FMO4: variants seen among roughly 807,000 people sequenced by gnomAD.
The protein encoded by FMO4 is dimethylaniline monooxygenase [N-oxide-forming] 4.
Under a neutral mutation model 43.3 loss-of-function variants are expected in FMO4, and 38 were observed. The ratio of observed to expected loss-of-function variants is 0.88; its 90% CI spans 0.68 to 1.15. The LOEUF is 1.15. Among genes scored for constraint, FMO4 ranks in the 50% most tolerant of loss-of-function variants. The pLI, the probability that FMO4 is intolerant of heterozygous loss-of-function variation, is 0.00. For synonymous variants in FMO4, 224 were observed against 232.2 expected (o/e 0.96, Z 0.32); for missense variants, 631 against 663.3 (o/e 0.95, Z 0.54).
rs776355579 is a variant in FMO4 at position 171,341,434 on chromosome 1, C to T, written c.1272C>T (p.Ser424=). Residue 424 remains serine (S), a synonymous_variant, in exon 10 of 10, where the codon AGC becomes AGT. Coordinates refer to ENST00000367749, the MANE Select transcript of FMO4 (RefSeq NM_002022.3). ...TCAGGGGAGTGTTTAAAGACACCAG[C>T]AAAGACAAATTTGACTACATTGCCT... is the stretch of plus-strand genomic sequence containing the variant. The part of the protein sequence containing the change: ...LIKRGVFKDT[S]KDKFDYIAYM... The T allele has an allele frequency of 1.0e-4, 163 of 1,613,462 alleles. No homozygotes were observed. Among genetic ancestry groups the T allele is most frequent in the Non-Finnish European group, 1.3e-4 (159 of 1,179,770 alleles).
chr1:171,334,661 C>T lies in FMO4; in HGVS notation c.1078C>T (p.Leu360=). 3 of 1,613,814 alleles carry T rather than the reference C, an allele frequency of 1.9e-6. No homozygotes were observed. Among genetic ancestry groups the T allele is most frequent in the Non-Finnish European group, 2.5e-6 (3 of 1,179,802 alleles). ...FLYKQVFPLN[L]ERATLAIIGL... is the part of the protein sequence containing the mutation. ...ATACAAGCAAGTCTTTCCCTTAAACCTAGAGAGAGCGACATTAGCCATCAT... is the reference window on the plus strand; with the variant it reads ...ATACAAGCAAGTCTTTCCCTTAAACTTAGAGAGAGCGACATTAGCCATCAT... The change falls in exon 8 of 10, where the codon CTA becomes TTA. Residue 360 remains leucine, a synonymous_variant. Coordinates refer to ENST00000367749, the MANE Select transcript of FMO4 (RefSeq NM_002022.3).
chr1:171,323,166 G>T lies in FMO4; in HGVS notation c.295G>T (p.Asp99Tyr), dbSNP rs1244787278. ...DYLQEFAEHF[D>Y]LLKYIQFKTT... Reference sequence around the variant, plus strand: ...TCTCCAAGAATTTGCTGAGCACTTTGACCTCCTGAAATACATTCAGTTTAA... The same window carrying T: ...TCTCCAAGAATTTGCTGAGCACTTTTACCTCCTGAAATACATTCAGTTTAA... Residue 99 changes from aspartate (D) to tyrosine (Y), a missense_variant, in exon 4 of 10, where the codon GAC (aspartate) becomes TAC (tyrosine). Asp to Tyr is a radical substitution (Grantham distance 160). Transcript: ENST00000367749. The T allele has an allele frequency of 1.2e-6, 2 of 1,613,296 alleles. No individual in the cohort carries two copies. Among genetic ancestry groups the T allele is most frequent in the Non-Finnish European group, 1.7e-6 (2 of 1,179,534 alleles).
intron 7 of FMO4, chr1:171,333,121 G>A: frequency 7.6e-6 from 3 of 393,102 alleles, no homozygotes; most frequent in African/African-American, 2.1e-5. Flanking sequence ...TCATGAGGCT[G>A]GAAGAAAATA....
intron 5 of FMO4, 108 bp from the exon 6 acceptor site, chr1:171,331,532 G>A (rs1662898749): frequency 2.0e-6 from 2 of 999,398 alleles, no homozygotes; most frequent in African/African-American, 3.2e-5. Flanking sequence ...CATAAGCAAA[G>A]GACTGCCATA....
At chr1:171,336,961 G>GCACACACACACA (rs35512975) in intron 8 of FMO4, among the ~76,000 whole-genome samples, 7 of 147,112 alleles carry the variant, frequency 4.8e-5, no homozygotes, top group African/African-American at 1.7e-4. Flanking sequence ...ACACAAACAT[G>GCACACACACACA]CACACACACA....
rs565862338 is a variant in FMO4, at chr1:171,333,177, T to TTTG, written c.827+291_827+293dup. 1,348 of 304,852 alleles carry TTTG rather than the reference T, an allele frequency of 4.4e-3. 18 individuals carry two copies. Among genetic ancestry groups the TTTG allele is most frequent in the African/African-American group, 0.024 (1,067 of 45,172 alleles). The allele number at this position is 304,852 out of a possible 1,614,324, so 18.9% of individuals were successfully genotyped here. On this transcript the variant is annotated intron_variant, in intron 7 of 9. Coordinates refer to ENST00000367749, the MANE Select transcript of FMO4 (RefSeq NM_002022.3). Reference sequence around the variant, plus strand: ...CCTGCTGTTACAAATATCACATATTTTTGTTGTTGTTGTTGTTGTTGTTGG... The same window carrying TTTG: ...CCTGCTGTTACAAATATCACATATTTTTGTTGTTGTTGTTGTTGTTGTTGTTGG...
chr1:171,341,365 C>A, intron 9 of FMO4, 48 bp from the exon 10 acceptor site: 1 of 1,417,626 alleles, frequency 7.1e-7, no homozygotes, highest in Non-Finnish European at 9.7e-7. Flanking sequence ...TTGAGAAATG[C>A]AGGGCAGGTG....
chr1:171,321,855 G>A (rs1051305151), intron 3 of FMO4, among the ~76,000 whole-genome samples: 8 of 152,162 alleles, frequency 5.3e-5, no homozygotes, highest in African/African-American at 1.7e-4. Context: ...CATCAAGTTC[G>A]TGGTAGAAGT....
chr1:171,332,723 T>A lies in FMO4; in HGVS notation c.642T>A (p.Thr214=). 3.7e-6 allele frequency: 6 copies of A among 1,609,394 alleles called. No homozygotes were observed. Among genetic ancestry groups the A allele is most frequent in the Non-Finnish European group, 5.1e-6 (6 of 1,175,810 alleles). ...TTACTTTTTAGGTACTTCTCAGTACTAGAACTGGTACCTGGGTTCTTGGGC... is the reference window on the plus strand; with the variant it reads ...TTACTTTTTAGGTACTTCTCAGTACAAGAACTGGTACCTGGGTTCTTGGGC... ...SRTAAQVLLS[T]RTGTWVLGRS... Residue 214 remains threonine, a synonymous_variant, in exon 7 of 10, where the codon ACT becomes ACA. Coordinates refer to ENST00000367749, the MANE Select transcript of FMO4 (RefSeq NM_002022.3).
chr1:171,318,961 G>A (rs948949854), intron 2 of FMO4, among the ~76,000 whole-genome samples: 1 of 152,210 alleles, frequency 6.6e-6, no homozygotes, highest in Admixed American at 6.5e-5. Flanking sequence ...TTTGGGCTCT[G>A]GCCCCACAGT....
chr1:171,321,992 A>T (rs1385029472), intron 3 of FMO4, among the ~76,000 whole-genome samples: 1 of 152,180 alleles, frequency 6.6e-6, no homozygotes, highest in South Asian at 2.1e-4. Context: ...CAGCCACAAG[A>T]AGTTCATTGG....
intron 7 of FMO4, among the ~76,000 whole-genome samples, chr1:171,333,599 A>G (rs894532222): frequency 8.5e-5 from 13 of 152,142 alleles, no homozygotes; most frequent in African/African-American, 3.1e-4. Context: ...AAAAGCACGT[A>G]AGGTCATTAA....
intron 6 of FMO4, 105 bp downstream of exon 6, chr1:171,331,887 A>C: frequency 1.0e-6 from 1 of 969,926 alleles, no homozygotes; most frequent in Non-Finnish European, 1.6e-6. Flanking sequence ...TAAATTATGC[A>C]GACACACAGT....
Position 171,334,628 on chromosome 1 carries a change from A to G in FMO4, c.1045A>G (p.Ile349Val), listed in dbSNP as rs759950250. 1.9e-6 allele frequency: 3 copies of G among 1,613,160 alleles called. No individual in the cohort carries two copies. Among genetic ancestry groups the G allele is most frequent in the Non-Finnish European group, 2.5e-6 (3 of 1,179,148 alleles). Residue 349 changes from isoleucine to valine, a missense_variant, in exon 8 of 10, where the codon ATA (isoleucine) becomes GTA (valine). Physicochemically the swap from Ile to Val is conservative, Grantham distance 29 (BLOSUM62 3). Coordinates refer to ENST00000367749, the MANE Select transcript of FMO4 (RefSeq NM_002022.3). ...EPLKSLCTKK[I>V]FLYKQVFPLN... ...TCTTAAAAGCCTCTGTACAAAGAAG[A>G]TATTTCTATACAAGCAAGTCTTTCC...
chr1:171,329,800 GCC>G (rs1189309787), intron 5 of FMO4, among the ~76,000 whole-genome samples: 8 of 152,280 alleles, frequency 5.3e-5, no homozygotes, highest in African/African-American at 1.9e-4. Context: ...CACAAAACTG[GCC>G]TCACACACAC....
chr1:171,322,139 G>C (rs1163963743), intron 3 of FMO4, among the ~76,000 whole-genome samples: 2 of 152,214 alleles, frequency 1.3e-5, no homozygotes, highest in African/African-American at 4.8e-5. Context: ...ATAGGATGGA[G>C]AGAGACAGGG....
intron 5 of FMO4, among the ~76,000 whole-genome samples, chr1:171,325,023 G>T (rs910846233): frequency 6.6e-6 from 1 of 152,132 alleles, no homozygotes; most frequent in Non-Finnish European, 1.5e-5. Flanking sequence ...CACAAGAATT[G>T]CTTGAACCTG....
At chr1:171,317,988 G>T (rs1662262467) in intron 2 of FMO4, among the ~76,000 whole-genome samples, 1 of 152,044 alleles carries the variant, frequency 6.6e-6, no homozygotes, top group South Asian at 2.1e-4. Flanking sequence ...CTCTCTAATA[G>T]TAATACCACA....
intron 5 of FMO4, among the ~76,000 whole-genome samples, chr1:171,330,172 T>C (rs1487966894): frequency 6.6e-6 from 1 of 152,238 alleles, no homozygotes; most frequent in Non-Finnish European, 1.5e-5. Flanking sequence ...TCTTTGTATA[T>C]TGACACTTCA....
Sources: gnomAD v4.1 joint callset for allele counts (sites outside exome capture counted in the v4.1 genomes callset) on GRCh38, gnomAD v4.1.1 for gene constraint, MANE v1.5 for transcripts, NCBI Gene and HGNC (gene_info 2026-07-23, HGNC 2026-07-21) for gene names.